The following ZDHHC18 variants were observed in gnomAD, a reference collection of about 807,000 sequenced individuals.
The protein encoded by ZDHHC18 is palmitoyltransferase ZDHHC18.
ZDHHC18 carries 23 observed loss-of-function variants against 37.5 expected under a neutral mutation model. The ratio of observed to expected loss-of-function variants is 0.61; its 90% CI spans 0.44 to 0.87. ZDHHC18 has a LOEUF of 0.87. Among genes scored for constraint, ZDHHC18 ranks in the 40% least tolerant of loss-of-function variants. The pLI is 0.00. For synonymous variants in ZDHHC18, 185 were observed against 218.7 expected, an observed-to-expected ratio of 0.85 and a Z score of 1.36; for missense variants, 406 against 525.6, an observed-to-expected ratio of 0.77 and a Z score of 2.22.
At chr1:26,845,588 C>T (rs1570672653) in intron 2 of ZDHHC18, among the ~76,000 whole-genome samples, 3 of 151,948 alleles carry the variant, frequency 2.0e-5, no homozygotes, top group Admixed American at 2.0e-4. Context: ...CTGCCTTAGC[C>T]TCCCAAATTG....
chr1:26,850,713 T>C lies in ZDHHC18; in HGVS notation c.833+107T>C, dbSNP rs1237098832. The C allele has an allele frequency of 7.7e-6, 10 of 1,299,898 alleles. No individual in the cohort carries two copies. Among genetic ancestry groups the C allele is most frequent in the Non-Finnish European group, 1.1e-5 (10 of 920,438 alleles). 80.5% of individuals were successfully genotyped at this position (1,299,898 alleles called of 1,614,324 possible). The stretch of plus-strand genomic sequence containing the variant: ...AGAAGGGAACAGCGTACAGCTCACA[T>C]GTGTCCTCCAGAATCCAACATGCCA... On this transcript the variant is annotated intron_variant, in intron 5 of 7. Coordinates refer to ENST00000374142, the MANE Select transcript of ZDHHC18 (RefSeq NM_032283.3). This position sits in a 1 kb window ranked among gnomAD's most constrained non-coding sequence, Gnocchi z 6.1.
At chr1:26,848,387 G>T (rs560946197) in intron 2 of ZDHHC18, among the ~76,000 whole-genome samples, 1 of 152,128 alleles carries the variant, frequency 6.6e-6, no homozygotes, top group African/African-American at 2.4e-5. Flanking sequence ...AGTGGGTAAG[G>T]CCGGCAGGTG....
intron 2 of ZDHHC18, among the ~76,000 whole-genome samples, chr1:26,843,400 C>CA (rs1236174383): frequency 3.3e-5 from 5 of 151,442 alleles, no homozygotes; most frequent in African/African-American, 9.7e-5. Flanking sequence ...CTCAGCCTCC[C>CA]AAAGTGCTGG....
At chr1:26,851,626 C>G (rs939302446) in intron 6 of ZDHHC18, among the ~76,000 whole-genome samples, 1 of 152,230 alleles carries the variant, frequency 6.6e-6, no homozygotes, top group Non-Finnish European at 1.5e-5. Context: ...TTTCCCCATT[C>G]GATGACTGAG....
In ZDHHC18 at chr1:26,848,614, C is replaced by A; in HGVS notation, c.503C>A (p.Thr168Lys). 6.2e-7 allele frequency: 1 copy of A among 1,611,328 alleles called. No homozygotes were observed. The highest frequency in any genetic ancestry group is 8.5e-7 in the Non-Finnish European group (1 of 1,177,588). Residue 168 changes from threonine to lysine, a missense_variant, in exon 3 of 8, where the codon ACA becomes AAA. Coordinates refer to ENST00000374142, the MANE Select transcript of ZDHHC18 (RefSeq NM_032283.3). Reference sequence around the variant, plus strand: ...TCTCTCCTCCTTCCCTCAGACAACACAGGCAGTTCTACATACCGGCCACCC... The same window carrying A: ...TCTCTCCTCCTTCCCTCAGACAACAAAGGCAGTTCTACATACCGGCCACCC... ...AAALEKQIDN[T>K]GSSTYRPPPR... is the part of the protein sequence containing the mutation.
chr1:26,835,695 G>A lies in ZDHHC18; in HGVS notation c.496+3088G>A, dbSNP rs533491983. Among the ~76,000 whole-genome samples the A allele has an allele frequency of 2.1e-3, 324 of 152,204 alleles. 2 individuals are homozygous for A. Among genetic ancestry groups the A allele is most frequent in the Non-Finnish European group, 4.0e-3 (269 of 68,004 alleles). ...CAGCCTGGTGACAGAGCAAGACTCC[G>A]TCTCAAAAAACAAAAAAAACCAAAA... is the stretch of plus-strand genomic sequence containing the variant. On this transcript the variant is annotated intron_variant, in intron 2 of 7. Transcript: ENST00000374142.
In ZDHHC18 at chr1:26,845,320, CTTTTTTTTTT is replaced by C. The variant is rs71007896; in HGVS notation, c.497-3265_497-3256del. On this transcript the variant is annotated intron_variant, in intron 2 of 7. Transcript: ENST00000374142. ...CTGCTCTAAAGGTTACTTCTTCATT[CTTTTTTTTTT>C]TTTTTTTTTTTTTTTTTTTTTTGAG... Among the ~76,000 whole-genome samples the C allele has an allele frequency of 3.4e-3, 155 of 45,206 alleles. 1 individual carries two copies. Among genetic ancestry groups the C allele is most frequent in the African/African-American group, 0.011 (84 of 7,958 alleles). 29.7% of individuals were successfully genotyped at this position (45,206 alleles called of 152,430 possible).
chr1:26,846,132 ATATATATGTGTG>A (rs2081662752), intron 2 of ZDHHC18, among the ~76,000 whole-genome samples: 1 of 149,220 alleles, frequency 6.7e-6, no homozygotes, highest in Non-Finnish European at 1.5e-5. Context: ...ATGTGTGTGT[ATATATATGTGTG>A]TATATATATA....
chr1:26,834,315 C>T (rs2124250113), intron 2 of ZDHHC18, among the ~76,000 whole-genome samples: 1 of 152,298 alleles, frequency 6.6e-6, no homozygotes, highest in East Asian at 1.9e-4. Context: ...TTCACAACAG[C>T]CCAGTGAGGG....
At chr1:26,831,027 C>T (rs1216501647) in intron 1 of ZDHHC18, among the ~76,000 whole-genome samples, 2 of 152,172 alleles carry the variant, frequency 1.3e-5, no homozygotes, top group Non-Finnish European at 1.5e-5. Flanking sequence ...AGGTATCCGC[C>T]CACCTCAGCC....
At chr1:26,827,232 C>T (rs1228458171) in intron 1 of ZDHHC18, 93 bp downstream of exon 1, 6 of 1,052,220 alleles carry the variant, frequency 5.7e-6, no homozygotes, top group African/African-American at 1.7e-5. Flanking sequence ...TTCCCCTTCG[C>T]CTCCCTGGTC....
At chr1:26,848,824 G>A (rs1425635295) in intron 3 of ZDHHC18, 67 bp downstream of exon 3, 1 of 1,566,982 alleles carries the variant, frequency 6.4e-7, no homozygotes, top group Non-Finnish European at 8.7e-7. Context: ...GGGATGGGGG[G>A]CATCAAGCAT....
chr1:26,849,293 G>T (rs866688187), intron 3 of ZDHHC18, among the ~76,000 whole-genome samples: 3 of 152,126 alleles, frequency 2.0e-5, no homozygotes, highest in African/African-American at 7.2e-5. Context: ...TGGTTGTTTT[G>T]TCCCCTCTCC....
Position 26,854,020 on chromosome 1 carries a change from CA to C in ZDHHC18, c.*180del. ...TTCCGTGGCTGTGCCCTCTGCTCCC[CA>C]AACCCAGGTTCCCACAGCCTTGGGC... is the stretch of plus-strand genomic sequence containing the variant. On this transcript the variant is annotated 3_prime_UTR_variant, in exon 8 of 8. Transcript: ENST00000374142. This position sits in a 1 kb window ranked among gnomAD's most constrained non-coding sequence, Gnocchi z 4.6. 1.6e-6 allele frequency: 1 copy of C among 632,464 alleles called. No homozygotes were observed. Among genetic ancestry groups the C allele is most frequent in the Non-Finnish European group, 2.7e-6 (1 of 363,656 alleles). The allele number at this position is 632,464 out of a possible 1,614,324, so 39.2% of individuals were successfully genotyped here.
At chr1:26,844,070 C>T (rs911181565) in intron 2 of ZDHHC18, among the ~76,000 whole-genome samples, 9 of 152,076 alleles carry the variant, frequency 5.9e-5, no homozygotes, top group African/African-American at 1.9e-4. Context: ...GATGGAGTCT[C>T]GCTCTGTCAC....
rs548430245 is a variant in ZDHHC18 at position 26,836,604 on chromosome 1, C to T, written c.496+3997C>T. On this transcript the variant is annotated intron_variant, in intron 2 of 7. Transcript: ENST00000374142. ...TTTTTTTTGAGACGGAGTCTTGCTC[C>T]GTTGCCCAGGCTGGAGTGCAGTGGC... 1.0e-3 allele frequency among the ~76,000 whole-genome samples: 147 copies of T among 147,664 alleles called. 5 individuals carry two copies. In the South Asian group the frequency reaches 0.029, roughly 29 times the overall value.
rs2081739771 is a variant in ZDHHC18, at chr1:26,857,375, C to G, written c.*3532C>G. The G allele has an allele frequency of 6.6e-6, 1 of 152,190 alleles. No individual in the cohort carries two copies. The highest frequency in any genetic ancestry group is 6.6e-5 in the Admixed American group (1 of 15,252). 9.4% of individuals were successfully genotyped at this position (152,190 alleles called of 1,614,324 possible). Reference sequence around the variant, plus strand: ...TCCCACGGCCTGTCCACCTCCCACCCCCAACCCTCCACCAGAGTAGGTAGG... The same window carrying G: ...TCCCACGGCCTGTCCACCTCCCACCGCCAACCCTCCACCAGAGTAGGTAGG... On this transcript the variant is annotated 3_prime_UTR_variant, in exon 8 of 8. Coordinates refer to ENST00000374142, the MANE Select transcript of ZDHHC18 (RefSeq NM_032283.3).
intron 2 of ZDHHC18, among the ~76,000 whole-genome samples, chr1:26,846,231 T>TATA (rs1553158080): frequency 7.1e-6 from 1 of 140,568 alleles, no homozygotes; most frequent in Admixed American, 7.4e-5. Flanking sequence ...TATGTGTATA[T>TATA]AGAGAGAGAG....
At chr1:26,828,624 T>G (rs2124244069) in intron 1 of ZDHHC18, among the ~76,000 whole-genome samples, 1 of 152,202 alleles carries the variant, frequency 6.6e-6, no homozygotes, top group South Asian at 2.1e-4. Flanking sequence ...ATCTGCAACT[T>G]TGGGTTTCCC....
Sources: allele counts gnomAD v4.1 joint callset (sites outside exome capture counted in the v4.1 genomes callset), GRCh38; gene constraint gnomAD v4.1.1; non-coding constraint Gnocchi (gnomAD v3.1); transcripts MANE v1.5; gene names NCBI Gene and HGNC (gene_info 2026-07-23, HGNC 2026-07-21).